Variants in TDRD3 observed in about 807,000 individuals in gnomAD.
TDRD3 encodes the protein tudor domain containing 3, also known as tudor domain-containing protein 3.
Under a neutral mutation model 86.7 loss-of-function variants are expected in TDRD3, and 45 were observed. The ratio of observed to expected loss-of-function variants is 0.52; its 90% CI spans 0.41 to 0.67. TDRD3 has a LOEUF of 0.67. TDRD3 is among the 30% of genes least tolerant of loss of function. The pLI, the probability that TDRD3 is intolerant of heterozygous loss-of-function variation, is 0.00. For synonymous variants in TDRD3, 298 were observed against 301.7 expected (o/e 0.99, Z 0.13); for missense variants, 814 against 889.0 (o/e 0.92, Z 1.07).
Position 60,475,694 on chromosome 13 carries a change from C to T in TDRD3, c.496-8081C>T, listed in dbSNP as rs536307052. Among the ~76,000 whole-genome samples the T allele has an allele frequency of 6.6e-5, 10 of 152,316 alleles. No homozygotes were observed. In the East Asian group the frequency reaches 1.9e-3, roughly 29 times the overall value. ...ATGTGTATTTTCCTTTCTTGGCAAC[C>T]TTGCCAGCATTGGTTGTTTTTTGAC... On this transcript the variant is annotated intron_variant, in intron 5 of 13. Coordinates refer to ENST00000377881, the MANE Select transcript of TDRD3 (RefSeq NM_001146070.2).
intron 13 of TDRD3, among the ~76,000 whole-genome samples, chr13:60,571,317 G>A (rs1958580517): frequency 6.6e-6 from 1 of 152,200 alleles, no homozygotes; most frequent in East Asian, 1.9e-4. Context: ...TTCTGCTCTT[G>A]TTACATAACG....
chr13:60,513,862 C>G (rs1279344270), intron 10 of TDRD3, among the ~76,000 whole-genome samples: 2 of 152,178 alleles, frequency 1.3e-5, no homozygotes, highest in Non-Finnish European at 2.9e-5. Flanking sequence ...TACCCAGTCT[C>G]AGGTATGTCT....
rs570520332 is a variant in TDRD3, at chr13:60,420,816, C to T, written c.42-18872C>T. ...AAAATTAGCCGGGCGTGATGGCGGG[C>T]GCCTGTAGTCCCAGCTACTCGGGAG... On this transcript the variant is annotated intron_variant, in intron 1 of 13. Transcript: ENST00000377881. 8.2e-4 allele frequency among the ~76,000 whole-genome samples: 124 copies of T among 152,050 alleles called. 1 individual carries two copies. Among genetic ancestry groups the T allele is most frequent in the African/African-American group, 2.6e-3 (106 of 41,478 alleles).
intron 8 of TDRD3, among the ~76,000 whole-genome samples, chr13:60,499,147 G>A (rs1281518181): frequency 6.6e-6 from 1 of 152,194 alleles, no homozygotes; most frequent in Non-Finnish European, 1.5e-5. Flanking sequence ...CATCCCTGGA[G>A]GGATTGCAGA....
intron 1 of TDRD3, among the ~76,000 whole-genome samples, chr13:60,402,847 C>G (rs1199268073): frequency 6.6e-6 from 1 of 152,050 alleles, no homozygotes; most frequent in Non-Finnish European, 1.5e-5. Flanking sequence ...CGCCACCACG[C>G]CTGGCTAGCC....
At chr13:60,535,008 A>G in intron 11 of TDRD3, 100 bp from the exon 12 acceptor site, 3 of 1,387,446 alleles carry the variant, frequency 2.2e-6, no homozygotes, top group Non-Finnish European at 2.0e-6. Context: ...TCTAAAGAAT[A>G]TTACACATTG....
At chr13:60,508,402 T>TA (rs1176862403) in intron 8 of TDRD3, among the ~76,000 whole-genome samples, 9 of 152,218 alleles carry the variant, frequency 5.9e-5, no homozygotes, top group Non-Finnish European at 1.3e-4. Context: ...AACAGCATGA[T>TA]ATTGGTACCA....
At chr13:60,399,829 T>G (rs569744919) in intron 1 of TDRD3, among the ~76,000 whole-genome samples, 2 of 152,338 alleles carry the variant, frequency 1.3e-5, no homozygotes, top group Admixed American at 6.5e-5. Flanking sequence ...TATTTAGTGC[T>G]GAAAAGTTTA....
At chr13:60,492,152 C>G (rs2137547532) in intron 7 of TDRD3, among the ~76,000 whole-genome samples, 1 of 152,246 alleles carries the variant, frequency 6.6e-6, no homozygotes, top group East Asian at 1.9e-4. Context: ...TATCCTATTC[C>G]TTAATCCATA....
intron 4 of TDRD3, among the ~76,000 whole-genome samples, chr13:60,462,671 TTTA>T (rs564814817): frequency 1.3e-5 from 2 of 151,664 alleles, no homozygotes; most frequent in Non-Finnish European, 2.9e-5. Flanking sequence ...CTTGCTAGTT[TTTA>T]TTATTATTAT....
intron 1 of TDRD3, among the ~76,000 whole-genome samples, chr13:60,431,128 C>A (rs1257835903): frequency 1.3e-5 from 2 of 151,888 alleles, no homozygotes; most frequent in Non-Finnish European, 2.9e-5. Context: ...CCTGAGTGAT[C>A]TTTATATCAA....
At chr13:60,484,052 G>A (rs1238263090) in intron 6 of TDRD3, among the ~76,000 whole-genome samples, 1 of 151,974 alleles carries the variant, frequency 6.6e-6, no homozygotes, top group Non-Finnish European at 1.5e-5. Flanking sequence ...TTAACCCAAA[G>A]ATTGAAGCAA....
intron 8 of TDRD3, among the ~76,000 whole-genome samples, chr13:60,506,689 G>A (rs572665653): frequency 1.4e-4 from 22 of 152,122 alleles, no homozygotes; most frequent in African/African-American, 4.6e-4. Context: ...CCTGGGAGGC[G>A]GAGTTTGCAG....
chr13:60,504,180 A>C (rs1956889551), intron 8 of TDRD3, among the ~76,000 whole-genome samples: 1 of 152,216 alleles, frequency 6.6e-6, no homozygotes, highest in South Asian at 2.1e-4. Context: ...ATCCCTGGGC[A>C]AAATTTACAT....
chr13:60,525,206 G>T (rs1247239615), intron 10 of TDRD3, among the ~76,000 whole-genome samples: 7 of 92,398 alleles, frequency 7.6e-5, no homozygotes, highest in African/African-American at 3.0e-4. Flanking sequence ...CGAGATCTCT[G>T]TCTGTCGCCC....
chr13:60,484,106 G>C (rs1331305873), intron 6 of TDRD3, among the ~76,000 whole-genome samples: 1 of 148,700 alleles, frequency 6.7e-6, no homozygotes, highest in Non-Finnish European at 1.5e-5. Flanking sequence ...AATTAAAATA[G>C]GATGGGAGAG....
At chr13:60,463,390 C>T (rs938957320) in intron 4 of TDRD3, among the ~76,000 whole-genome samples, 2 of 142,934 alleles carry the variant, frequency 1.4e-5, no homozygotes, top group African/African-American at 5.0e-5. Context: ...AAAGATAAGA[C>T]CTAAAACTAT....
intron 12 of TDRD3, among the ~76,000 whole-genome samples, chr13:60,555,296 A>T (rs1436503621): frequency 6.6e-6 from 1 of 152,246 alleles, no homozygotes; most frequent in Non-Finnish European, 1.5e-5. Flanking sequence ...GTAAAGTAGT[A>T]TAAATGGTTG....
At chr13:60,414,855 A>G (rs1285517472) in intron 1 of TDRD3, among the ~76,000 whole-genome samples, 5 of 151,924 alleles carry the variant, frequency 3.3e-5, no homozygotes, top group Non-Finnish European at 7.4e-5. Flanking sequence ...CAACTTTTGG[A>G]TTCTGTAGAA....
Sources: gnomAD v4.1 joint callset for allele counts (sites outside exome capture counted in the v4.1 genomes callset) on GRCh38, gnomAD v4.1.1 for gene constraint, MANE v1.5 for transcripts, NCBI Gene and HGNC (gene_info 2026-07-23, HGNC 2026-07-21) for gene names.